Variants in ZSCAN9 observed in about 807,000 individuals in gnomAD.
ZSCAN9 encodes the protein zinc finger and SCAN domain containing 9, also known as zinc finger and SCAN domain-containing protein 9.
ZSCAN9 carries 19 observed loss-of-function variants against 23.0 expected under a neutral mutation model. That is an observed-to-expected ratio of 0.83 (90% CI 0.58 to 1.21). The LOEUF is 1.21. Among genes scored for constraint, ZSCAN9 ranks in the 50% most tolerant of loss-of-function variants. The probability of loss-of-function intolerance (pLI) is 0.00; values close to 1 mark genes in which losing one functional copy is unlikely to be tolerated. For synonymous variants in ZSCAN9, 155 were observed against 164.8 expected, an observed-to-expected ratio of 0.94 and a Z score of 0.46; for missense variants, 467 against 471.5, an observed-to-expected ratio of 0.99 and a Z score of 0.09.
chr6:28,229,459 A>G (rs1397717617), intron 3 of ZSCAN9, among the ~76,000 whole-genome samples: 2 of 152,146 alleles, frequency 1.3e-5, no homozygotes, highest in East Asian at 1.9e-4. Flanking sequence ...TCATTCAACA[A>G]GTGTTTATTA....
At position 28,232,968 on chromosome 6, in the gene ZSCAN9, T is replaced by C; in HGVS notation, c.975T>C (p.Leu325=). Reference sequence around the variant, plus strand: ...AGGTCTTCAGTCAGAGTGCGGGTCTTATCCAGCATCAGAGAATCCACAAAG... The same window carrying C: ...AGGTCTTCAGTCAGAGTGCGGGTCTCATCCAGCATCAGAGAATCCACAAAG... The part of the protein sequence containing the change: ...CGKVFSQSAG[L]IQHQRIHKGE... The change falls in exon 4 of 4, where the codon CTT becomes CTC. Residue 325 remains leucine, a synonymous_variant. Coordinates refer to ENST00000252207, the MANE Select transcript of ZSCAN9 (RefSeq NM_006299.5). 6.2e-7 allele frequency: 1 copy of C among 1,614,110 alleles called. No homozygotes were observed. The highest frequency in any genetic ancestry group is 2.2e-5 in the East Asian group (1 of 44,886).
At chr6:28,230,074 G>A (rs142884396) in intron 3 of ZSCAN9, among the ~76,000 whole-genome samples, 2,817 of 152,198 alleles carry the variant, frequency 0.019, 113 homozygotes, top group African/African-American at 0.063. Context: ...AGCCAGGATG[G>A]TCTCGATCTC....
intron 3 of ZSCAN9, chr6:28,230,584 G>A (rs375046484): frequency 1.7e-5 from 21 of 1,222,870 alleles, no homozygotes; most frequent in South Asian, 8.1e-5. Flanking sequence ...TGTTGTCCTC[G>A]GCCTTTTTCT....
intron 3 of ZSCAN9, chr6:28,228,191 C>T (rs942959935): frequency 4.9e-6 from 3 of 611,678 alleles, no homozygotes; most frequent in Non-Finnish European, 8.6e-6. Context: ...GATTACTTAA[C>T]CACTTGACCT....
intron 3 of ZSCAN9, among the ~76,000 whole-genome samples, chr6:28,231,528 T>C (rs1434627436): frequency 6.6e-6 from 1 of 152,136 alleles, no homozygotes; most frequent in Non-Finnish European, 1.5e-5. Flanking sequence ...GGATGGATCA[T>C]GAGGCCAGGA....
intron 3 of ZSCAN9, chr6:28,228,870 C>T (rs1030197142): frequency 6.5e-6 from 1 of 154,376 alleles, no homozygotes; most frequent in Non-Finnish European, 1.5e-5. Context: ...AGTGACCACC[C>T]TTGTGGATAT....
intron 3 of ZSCAN9, chr6:28,228,128 A>T: frequency 1.5e-6 from 1 of 669,800 alleles, no homozygotes; most frequent in East Asian, 2.7e-5. Context: ...TCAAGGTTTG[A>T]CAGACAGGTT....
intron 3 of ZSCAN9, among the ~76,000 whole-genome samples, chr6:28,230,048 A>T (rs112991339): frequency 6.6e-6 from 1 of 152,004 alleles, no homozygotes; most frequent in Non-Finnish European, 1.5e-5. Flanking sequence ...TAATAGAGAC[A>T]GGGTTTCACT....
At chr6:28,229,962 A>G (rs974123491) in intron 3 of ZSCAN9, among the ~76,000 whole-genome samples, 3 of 149,566 alleles carry the variant, frequency 2.0e-5, no homozygotes, top group Non-Finnish European at 3.0e-5. Context: ...GGTTCATGCC[A>G]TTCTTCTGTC....
In ZSCAN9 at chr6:28,233,453, A is replaced by G; in HGVS notation, c.*275A>G. 1 of 342,846 alleles carries G rather than the reference A, an allele frequency of 2.9e-6. No homozygotes were observed. Among genetic ancestry groups the G allele is most frequent in the Non-Finnish European group, 5.1e-6 (1 of 196,962 alleles). The allele number at this position is 342,846 out of a possible 1,614,324, so 21.2% of individuals were successfully genotyped here. On this transcript the variant is annotated 3_prime_UTR_variant, in exon 4 of 4. Transcript: ENST00000252207. ...GGCTGCTAAACCCTTCTAATAATATAATAAATGGCACTGCCACAGCCAACA... is the reference window on the plus strand; with the variant it reads ...GGCTGCTAAACCCTTCTAATAATATGATAAATGGCACTGCCACAGCCAACA...
chr6:28,225,518 A>T (rs916118876), intron 1 of ZSCAN9, among the ~76,000 whole-genome samples, 152 bp downstream of exon 1: 5 of 152,152 alleles, frequency 3.3e-5, no homozygotes, highest in African/African-American at 9.7e-5. Context: ...CCCCTAGACC[A>T]GAGTGGTCAT....
chr6:28,227,850 A>G lies in ZSCAN9; in HGVS notation c.568+13A>G. On this transcript the variant is annotated intron_variant, in intron 3 of 3. Transcript: ENST00000252207. ...ATTGGAGAGACAGGTGAGGGACAGC[A>G]TTTATTTGATGTTGAACGAATCCCA... The G allele has an allele frequency of 6.2e-7, 1 of 1,613,282 alleles. No individual in the cohort carries two copies. Among genetic ancestry groups the G allele is most frequent in the Non-Finnish European group, 8.5e-7 (1 of 1,179,794 alleles).
At chr6:28,228,342 A>C (rs1760186527) in intron 3 of ZSCAN9, 1 of 381,388 alleles carries the variant, frequency 2.6e-6, no homozygotes, top group East Asian at 6.0e-5. Context: ...TCCAAGATCA[A>C]GATACCATCA....
intron 3 of ZSCAN9, among the ~76,000 whole-genome samples, chr6:28,229,889 G>A (rs1421703153): frequency 2.1e-5 from 3 of 144,720 alleles, no homozygotes; most frequent in African/African-American, 5.2e-5. Context: ...ACAGAGTCTC[G>A]CTCTGTCGCC....
rs772222250 is a variant in ZSCAN9 at position 28,225,315 on chromosome 6, T to C, written c.-125T>C. 1.3e-5 allele frequency: 2 copies of C among 152,118 alleles called. No individual in the cohort carries two copies. Among genetic ancestry groups the C allele is most frequent in the Non-Finnish European group, 2.9e-5 (2 of 68,038 alleles). 9.4% of individuals were successfully genotyped at this position (152,118 alleles called of 1,614,324 possible). On this transcript the variant is annotated 5_prime_UTR_variant, in exon 1 of 4. Transcript: ENST00000252207. Reference sequence around the variant, plus strand: ...CCGGCCATTGTTCGTGCCGCGCTTCTAGCAACGCCGGGCCGGTAACCCCCT... The same window carrying C: ...CCGGCCATTGTTCGTGCCGCGCTTCCAGCAACGCCGGGCCGGTAACCCCCT...
At position 28,232,970 on chromosome 6, in the gene ZSCAN9, T is replaced by C. The variant is rs1760364363; in HGVS notation, c.977T>C (p.Ile326Thr). The change falls in exon 4 of 4, where the codon ATC becomes ACC. Residue 326 changes from isoleucine (I) to threonine (T), a missense_variant. By Grantham distance (89) the Ile-to-Thr change is moderately conservative. Transcript: ENST00000252207. Reference sequence around the variant, plus strand: ...GTCTTCAGTCAGAGTGCGGGTCTTATCCAGCATCAGAGAATCCACAAAGGA... The same window carrying C: ...GTCTTCAGTCAGAGTGCGGGTCTTACCCAGCATCAGAGAATCCACAAAGGA... ...GKVFSQSAGL[I>T]QHQRIHKGEK... is the part of the protein sequence containing the mutation. 1 of 1,614,052 alleles carries C rather than the reference T, an allele frequency of 6.2e-7. No individual in the cohort carries two copies. The highest frequency in any genetic ancestry group is 8.5e-7 in the Non-Finnish European group (1 of 1,180,050).
chr6:28,227,221 T>G lies in ZSCAN9; in HGVS notation c.137T>G (p.Leu46Arg). The change falls in exon 2 of 4, where the codon CTG (leucine) becomes CGG (arginine). Residue 46 changes from leucine (L) to arginine (R), a missense_variant. Physicochemically the swap from Leu to Arg is moderately radical, Grantham distance 102. Coordinates refer to ENST00000252207, the MANE Select transcript of ZSCAN9 (RefSeq NM_006299.5). Reference protein sequence around the residue: ...QESRLKRSNPLAREIFRRHFR... With the variant: ...QESRLKRSNPRAREIFRRHFR... ...TCCAGACTGAAACGCAGTAATCCAC[T>G]GGCAAGGGAAATCTTCCGAAGGCAC... 6.2e-7 allele frequency: 1 copy of G among 1,614,230 alleles called. No individual in the cohort carries two copies. The highest frequency in any genetic ancestry group is 8.5e-7 in the Non-Finnish European group (1 of 1,180,040).
chr6:28,231,506 G>A (rs1760299862), intron 3 of ZSCAN9, among the ~76,000 whole-genome samples: 1 of 152,206 alleles, frequency 6.6e-6, no homozygotes, highest in Admixed American at 6.5e-5. Flanking sequence ...CAGCACTTTG[G>A]GAGGCCAAGG....
intron 3 of ZSCAN9, among the ~76,000 whole-genome samples, chr6:28,231,010 A>G (rs1004569345): frequency 6.6e-6 from 1 of 152,144 alleles, no homozygotes; most frequent in East Asian, 1.9e-4. Context: ...CATAAAGTAT[A>G]GTAGTCCTCA....
Sources: gnomAD v4.1 joint callset for allele counts (sites outside exome capture counted in the v4.1 genomes callset) on GRCh38, gnomAD v4.1.1 for gene constraint, MANE v1.5 for transcripts, NCBI Gene and HGNC (gene_info 2026-07-23, HGNC 2026-07-21) for gene names.